The following HELZ variants were observed in gnomAD, a reference collection of about 807,000 sequenced individuals.
HELZ encodes the protein helicase with zinc finger, also known as ATP-dependent RNA helicase with zinc finger domain.
Under a neutral mutation model 218.2 loss-of-function variants are expected in HELZ, and 23 were observed. That is an observed-to-expected ratio of 0.11 (90% CI 0.08 to 0.15). The LOEUF (loss-of-function observed/expected upper bound fraction) is 0.15, where lower values mean the gene tolerates loss of function less well. Among genes scored for constraint, HELZ ranks in the 10% least tolerant of loss-of-function variants. HELZ has a pLI of 1.00. For missense variants in HELZ, 1,813 were observed against 2,353.7 expected, an observed-to-expected ratio of 0.77 and a Z score of 4.75; for synonymous variants, 814 against 829.4, an observed-to-expected ratio of 0.98 and a Z score of 0.32.
intron 23 of HELZ, among the ~76,000 whole-genome samples, chr17:67,129,915 G>T (rs1424778708): frequency 6.6e-6 from 1 of 152,054 alleles, no homozygotes; most frequent in African/African-American, 2.4e-5. Flanking sequence ...TGCTATAAAA[G>T]ATATGTGATA....
At chr17:67,194,971 C>T (rs1457689286) in intron 8 of HELZ, among the ~76,000 whole-genome samples, 3 of 152,182 alleles carry the variant, frequency 2.0e-5, no homozygotes, top group Admixed American at 6.5e-5. Flanking sequence ...CAGCATTCAG[C>T]AGGCACTCAA....
chr17:67,106,784 G>C (rs1407133102), intron 31 of HELZ, among the ~76,000 whole-genome samples: 1 of 152,192 alleles, frequency 6.6e-6, no homozygotes, highest in Non-Finnish European at 1.5e-5. Context: ...GCTGGCACTG[G>C]CTGAAAAGCC....
At chr17:67,110,756 C>T (rs1052892955) in intron 28 of HELZ, among the ~76,000 whole-genome samples, 5 of 152,194 alleles carry the variant, frequency 3.3e-5, no homozygotes, top group Admixed American at 3.3e-4. Flanking sequence ...TGCTTGTGCA[C>T]TATAATGATA....
intron 5 of HELZ, among the ~76,000 whole-genome samples, chr17:67,213,141 C>CA (rs1048857990): frequency 1.3e-5 from 2 of 151,868 alleles, no homozygotes; most frequent in Admixed American, 6.6e-5. Flanking sequence ...TGTACATCTC[C>CA]AAAAAAACAA....
chr17:67,142,584 T>C lies in HELZ; in HGVS notation c.2769+3159A>G, dbSNP rs531516295. 4.6e-5 allele frequency among the ~76,000 whole-genome samples: 7 copies of C among 152,218 alleles called. 1 individual carries two copies. In the South Asian group the frequency reaches 1.2e-3, roughly 27 times the overall value. On this transcript the variant is annotated intron_variant, in intron 21 of 32. Transcript: ENST00000358691. Reference sequence around the variant, plus strand: ...TCAAGATCCAATAATATGCTGTCTATAGAATATGCACTTTAGATTCAAACA... The same window carrying C: ...TCAAGATCCAATAATATGCTGTCTACAGAATATGCACTTTAGATTCAAACA...
intron 3 of HELZ, among the ~76,000 whole-genome samples, chr17:67,219,196 A>C (rs1227398061): frequency 6.6e-6 from 1 of 152,242 alleles, no homozygotes; most frequent in Non-Finnish European, 1.5e-5. Flanking sequence ...CCAAATCTCC[A>C]AATTTCAGTT....
At position 67,128,824 on chromosome 17, in the gene HELZ, G is replaced by T; in HGVS notation, c.3214C>A (p.His1072Asn). The T allele has an allele frequency of 6.2e-7, 1 of 1,614,058 alleles. No individual in the cohort carries two copies. The highest frequency in any genetic ancestry group is 8.5e-7 in the Non-Finnish European group (1 of 1,179,956). The change falls in exon 24 of 33, where the codon CAT (histidine) becomes AAT (asparagine). Residue 1072 changes from histidine to asparagine, a missense_variant. His to Asn is a moderately conservative substitution (Grantham distance 68, BLOSUM62 1). This residue lies in a region of HELZ where 156 missense variants were observed against 274.4 expected (regional missense o/e 0.57). Transcript: ENST00000358691. ...ATTCCATGTAGGCTACTGTTTTCAT[G>T]ACACAGGGCAATAAACCGTTCCCAA... ...KFWERFIALC[H>N]ENSSLHGITF...
rs149356876 is a variant in HELZ, at chr17:67,159,077, G to C, written c.2177+1184C>G. Among the ~76,000 whole-genome samples, 400 of 152,242 alleles carry C rather than the reference G, an allele frequency of 2.6e-3. 2 individuals carry two copies. The highest frequency in any genetic ancestry group is 9.3e-3 in the African/African-American group (387 of 41,534). On this transcript the variant is annotated intron_variant, in intron 17 of 32. Coordinates refer to ENST00000358691, the MANE Select transcript of HELZ (RefSeq NM_014877.4). ...AAAACAACTTATATCATTAAAGTAA[G>C]AACACCTATAGCAAAAATGCTAACT...
At position 67,235,232 on chromosome 17, in the gene HELZ, C is replaced by A. The variant is rs574329871; in HGVS notation, c.-19+4201G>T. 7.2e-5 allele frequency among the ~76,000 whole-genome samples: 11 copies of A among 152,144 alleles called. No individual in the cohort carries two copies. The East Asian group carries it at 1.9e-3, about 27-fold the overall frequency. On this transcript the variant is annotated intron_variant, in intron 3 of 32. Coordinates refer to ENST00000358691, the MANE Select transcript of HELZ (RefSeq NM_014877.4). ...CACAAAGAGACAACAGAAGGCCGGGCGCGGTGGCTCACACCTGTAATCCCA... is the reference window on the plus strand; with the variant it reads ...CACAAAGAGACAACAGAAGGCCGGGAGCGGTGGCTCACACCTGTAATCCCA...
chr17:67,237,377 T>G (rs926873952), intron 3 of HELZ, among the ~76,000 whole-genome samples: 3 of 152,264 alleles, frequency 2.0e-5, no homozygotes, highest in Non-Finnish European at 4.4e-5. Flanking sequence ...CAGCAAGTAG[T>G]CAGCCCAAGT....
At position 67,122,993 on chromosome 17, in the gene HELZ, C is replaced by T; in HGVS notation, c.3607G>A (p.Val1203Ile). The T allele has an allele frequency of 1.9e-6, 3 of 1,612,134 alleles. No homozygotes were observed. The highest frequency in any genetic ancestry group is 1.1e-5 in the South Asian group (1 of 90,974). Residue 1203 changes from valine to isoleucine, a missense_variant, in exon 26 of 33, where the codon GTA becomes ATA. Val to Ile is a conservative substitution (Grantham distance 29). Transcript: ENST00000358691. ...ACAGGTAAAGGCACCGACATAACTA[C>T]ATTCCCTCCATAGACAGCAGGTACA... ...LYVPAVYGGN[V>I]VMSVPLPVPW...
chr17:67,150,017 C>G (rs749784633), intron 18 of HELZ, 32 bp from the exon 19 acceptor site: 6 of 1,317,422 alleles, frequency 4.6e-6, no homozygotes, highest in South Asian at 1.3e-5. Context: ...CAGGATAGCA[C>G]GCTAGAGCAG....
At chr17:67,167,823 G>C (rs1315821729) in intron 13 of HELZ, 27 bp from the exon 14 acceptor site, 11 of 1,431,416 alleles carry the variant, frequency 7.7e-6, no homozygotes, top group East Asian at 6.9e-5. Flanking sequence ...AAACTAGTTT[G>C]AATATTTTAC....
At chr17:67,087,213 C>T (rs772138512) in intron 31 of HELZ, 132 bp from the exon 32 acceptor site, 1 of 806,636 alleles carries the variant, frequency 1.2e-6, no homozygotes, top group South Asian at 1.8e-5. Flanking sequence ...GTGAAACCCT[C>T]CCTCCACCCT....
chr17:67,216,911 T>C (rs973997931), intron 4 of HELZ, among the ~76,000 whole-genome samples: 1 of 152,198 alleles, frequency 6.6e-6, no homozygotes, highest in Non-Finnish European at 1.5e-5. Context: ...TTGCTGGTTG[T>C]TGCTCTGCTC....
At position 67,245,128 on chromosome 17, in the gene HELZ, A is replaced by AG; in HGVS notation, c.-132+19dup. On this transcript the variant is annotated intron_variant, in intron 1 of 32. Coordinates refer to ENST00000358691, the MANE Select transcript of HELZ (RefSeq NM_014877.4). ...CGCGGAGCGGCCCCAGGAGCAGAGA[A>AG]GGGGGAAGTCAGGACTTACCTGTCA... is the stretch of plus-strand genomic sequence containing the variant. 1.0e-6 allele frequency: 1 copy of AG among 984,888 alleles called. No individual in the cohort carries two copies. The highest frequency in any genetic ancestry group is 1.2e-6 in the Non-Finnish European group (1 of 829,758). 61.0% of individuals were successfully genotyped at this position (984,888 alleles called of 1,614,324 possible).
At chr17:67,078,675 CAT>C (rs1379527565) in intron 32 of HELZ, 89 bp from the exon 33 acceptor site, 16 of 922,528 alleles carry the variant, frequency 1.7e-5, no homozygotes, top group Non-Finnish European at 2.4e-5. Context: ...AACTGGCTCT[CAT>C]CTCCAGGAAC....
intron 13 of HELZ, among the ~76,000 whole-genome samples, chr17:67,174,536 C>T (rs1199673980): frequency 4.6e-5 from 7 of 152,260 alleles, no homozygotes; most frequent in Admixed American, 3.9e-4. Flanking sequence ...TGGTAGCTCG[C>T]GCCTGTAATC....
intron 31 of HELZ, among the ~76,000 whole-genome samples, chr17:67,089,647 T>TTATATTTATA (rs2036500554): frequency 1.8e-5 from 1 of 54,266 alleles, no homozygotes; most frequent in African/African-American, 6.8e-5. Context: ...ATTGGAGATT[T>TTATATTTATA]TATATATATA....
Sources: allele counts gnomAD v4.1 joint callset (sites outside exome capture counted in the v4.1 genomes callset), GRCh38; gene constraint gnomAD v4.1.1; regional missense constraint gnomAD v4.1.1; transcripts MANE v1.5; gene names NCBI Gene and HGNC (gene_info 2026-07-23, HGNC 2026-07-21).